The following MTHFD1L variants were observed in gnomAD, a reference collection of about 807,000 sequenced individuals.
MTHFD1L encodes methylenetetrahydrofolate dehydrogenase (NADP+ dependent) 1 like.
Under a neutral mutation model 119.5 loss-of-function variants are expected in MTHFD1L, and 81 were observed. That is an observed-to-expected ratio of 0.68 (90% CI 0.57 to 0.82). MTHFD1L has a LOEUF of 0.82. Ranked by LOEUF, MTHFD1L falls within the 40% of genes least tolerant of loss-of-function variation. The pLI, the probability that MTHFD1L is intolerant of heterozygous loss-of-function variation, is 0.00. For synonymous variants in MTHFD1L, 430 were observed against 475.2 expected, an observed-to-expected ratio of 0.90 and a Z score of 1.24; for missense variants, 1,125 against 1,253.4, an observed-to-expected ratio of 0.90 and a Z score of 1.55.
At chr6:150,923,703 T>C (rs976673180) in intron 10 of MTHFD1L, among the ~76,000 whole-genome samples, 8 of 151,802 alleles carry the variant, frequency 5.3e-5, no homozygotes, top group African/African-American at 1.2e-4. Context: ...AGTTGCTTTA[T>C]AGAATTGAAC....
rs143492706 is a variant in MTHFD1L, at chr6:150,960,327, C to T, written c.1856C>T (p.Thr619Met). 225 of 1,614,024 alleles carry T rather than the reference C, an allele frequency of 1.4e-4. No homozygotes were observed. In the East Asian group the frequency reaches 3.0e-3, roughly 21 times the overall value. Residue 619 changes from threonine to methionine, a missense_variant, in exon 18 of 28, where the codon ACG becomes ATG. By Grantham distance (81) the Thr-to-Met change is moderately conservative. Around this residue, in one of 3 missense-constraint regions of MTHFD1L, gnomAD observed 1,058 missense variants for 1,151.2 expected, o/e 0.92. Coordinates refer to ENST00000367321, the MANE Select transcript of MTHFD1L (RefSeq NM_015440.5). ...GAGATCATGGCGGTGCTGGCCCTGA[C>T]GGACAGCCTCGCAGACATGAAGGCA... is the stretch of plus-strand genomic sequence containing the variant. The part of the protein sequence containing the change: ...ASEIMAVLAL[T>M]DSLADMKARL...
chr6:151,090,171 G>A (rs1433360852), intron 26 of MTHFD1L, among the ~76,000 whole-genome samples: 2 of 152,232 alleles, frequency 1.3e-5, no homozygotes, highest in South Asian at 2.1e-4. Context: ...AGGCAGGGAA[G>A]GGGGTGTTAA....
rs1439366034 is a variant in MTHFD1L at position 150,944,474 on chromosome 6, T to G, written c.1441-12T>G. ...GAAAATAAATAAATAGAAAGATATC[T>G]TATTTCTCTAGTTCAACCTTCACTT... On this transcript the variant is annotated splice_polypyrimidine_tract_variant and intron_variant, in intron 13 of 27. Coordinates refer to ENST00000367321, the MANE Select transcript of MTHFD1L (RefSeq NM_015440.5). 6.3e-7 allele frequency: 1 copy of G among 1,589,872 alleles called. No individual in the cohort carries two copies. Among genetic ancestry groups the G allele is most frequent in the Non-Finnish European group, 8.6e-7 (1 of 1,160,270 alleles).
At chr6:151,003,164 G>T (rs1370332232) in intron 20 of MTHFD1L, among the ~76,000 whole-genome samples, 1 of 152,062 alleles carries the variant, frequency 6.6e-6, no homozygotes, top group African/African-American at 2.4e-5. Flanking sequence ...CTGGATCCAG[G>T]TAAATAAGCA....
intron 20 of MTHFD1L, among the ~76,000 whole-genome samples, chr6:150,984,646 A>G (rs1195048247): frequency 6.6e-6 from 1 of 152,046 alleles, no homozygotes; most frequent in African/African-American, 2.4e-5. Flanking sequence ...GTATATGATG[A>G]TGTTCACGTT....
chr6:150,991,379 A>C (rs1467187657), intron 20 of MTHFD1L, among the ~76,000 whole-genome samples: 3 of 152,220 alleles, frequency 2.0e-5, no homozygotes, highest in Non-Finnish European at 2.9e-5. Context: ...TCAGGTTGTA[A>C]AATAATATAT....
At chr6:150,866,668 G>T (rs1404949915) in intron 1 of MTHFD1L, 6 of 1,184,156 alleles carry the variant, frequency 5.1e-6, no homozygotes, top group Non-Finnish European at 6.3e-6. Flanking sequence ...GCCGCCGGGG[G>T]GAATCCGAGA....
At chr6:151,087,309 G>A (rs1260886190) in intron 26 of MTHFD1L, among the ~76,000 whole-genome samples, 1 of 151,734 alleles carries the variant, frequency 6.6e-6, no homozygotes, top group African/African-American at 2.4e-5. Context: ...AAATTGTGAT[G>A]TAGTTAACTG....
intron 1 of MTHFD1L, 86 bp from the exon 2 acceptor site, chr6:150,876,004 A>G (rs1355445093): frequency 8.5e-6 from 9 of 1,054,910 alleles, no homozygotes; most frequent in Non-Finnish European, 1.2e-5. Flanking sequence ...CACTTGGAGG[A>G]AGGAACTTTC....
Position 150,987,716 on chromosome 6 carries a change from A to ACCTCTGAATGT in MTHFD1L, c.2125+15658_2125+15659insCCTCTGAATGT, listed in dbSNP as rs1463081149. Among the ~76,000 whole-genome samples the ACCTCTGAATGT allele has an allele frequency of 1.5e-4, 23 of 152,334 alleles. No individual in the cohort carries two copies. The East Asian group carries it at 3.3e-3, about 22-fold the overall frequency. On this transcript the variant is annotated intron_variant, in intron 20 of 27. Coordinates refer to ENST00000367321, the MANE Select transcript of MTHFD1L (RefSeq NM_015440.5). Reference sequence around the variant, plus strand: ...ATGTTCACTTTCATTCCATAGCAGCATCATACAGCCCTGTGCATAACAGGA... The same window carrying ACCTCTGAATGT: ...ATGTTCACTTTCATTCCATAGCAGCACCTCTGAATGTTCATACAGCCCTGTGCATAACAGGA...
At chr6:150,922,121 C>T in intron 9 of MTHFD1L, 84 bp from the exon 10 acceptor site, 1 of 982,982 alleles carries the variant, frequency 1.0e-6, no homozygotes, top group East Asian at 2.4e-5. Context: ...TTGTAACATC[C>T]ACAAACAATA....
In MTHFD1L at chr6:150,941,463, G is replaced by A. The variant is rs1313196084; in HGVS notation, c.1440+2718G>A. On this transcript the variant is annotated intron_variant, in intron 13 of 27. Transcript: ENST00000367321. Reference sequence around the variant, plus strand: ...ATTAAAATCACCCTGTCTTCTGTGTGATGAAAGGACCAGGGGCCTCTCAGT... The same window carrying A: ...ATTAAAATCACCCTGTCTTCTGTGTAATGAAAGGACCAGGGGCCTCTCAGT... 5.9e-5 allele frequency among the ~76,000 whole-genome samples: 9 copies of A among 152,208 alleles called. No individual in the cohort carries two copies. In the East Asian group the frequency reaches 1.7e-3, roughly 29 times the overall value.
rs767024427 is a variant in MTHFD1L, at chr6:151,020,553, G to A, written c.2586+4860G>A. On this transcript the variant is annotated intron_variant, in intron 24 of 27. Coordinates refer to ENST00000367321, the MANE Select transcript of MTHFD1L (RefSeq NM_015440.5). ...GTAGGCAACTTTTAATTATGGTACC[G>A]GATGGAGGCAGCAATGAATAATTTA... Among the ~76,000 whole-genome samples the A allele has an allele frequency of 5.9e-5, 9 of 152,144 alleles. No homozygotes were observed. The South Asian group carries it at 1.2e-3, about 21-fold the overall frequency.
rs558786106 is a variant in MTHFD1L, at chr6:151,008,118, A to T, written c.2126-1701A>T. Among the ~76,000 whole-genome samples the T allele has an allele frequency of 4.6e-5, 7 of 152,346 alleles. No homozygotes were observed. The East Asian group carries it at 1.4e-3, about 29-fold the overall frequency. On this transcript the variant is annotated intron_variant, in intron 20 of 27. Transcript: ENST00000367321. Reference sequence around the variant, plus strand: ...AAAGCACATAGGCACAAATATTTTCAGTGCAGTATTGTTTATATTGGAAAC... The same window carrying T: ...AAAGCACATAGGCACAAATATTTTCTGTGCAGTATTGTTTATATTGGAAAC...
rs1031760416 is a variant in MTHFD1L at position 150,974,718 on chromosome 6, C to T, written c.2125+2660C>T. Reference sequence around the variant, plus strand: ...CCATGTTGCAGCAGGCGTCAGAATTCTCTTCCTTTTTTTTTTTTTTTTTTT... The same window carrying T: ...CCATGTTGCAGCAGGCGTCAGAATTTTCTTCCTTTTTTTTTTTTTTTTTTT... On this transcript the variant is annotated intron_variant, in intron 20 of 27. Coordinates refer to ENST00000367321, the MANE Select transcript of MTHFD1L (RefSeq NM_015440.5). 4.3e-3 allele frequency among the ~76,000 whole-genome samples: 563 copies of T among 132,104 alleles called. 4 individuals are homozygous for T. Among genetic ancestry groups the T allele is most frequent in the African/African-American group, 0.017 (544 of 32,024 alleles). 86.7% of individuals were successfully genotyped at this position (132,104 alleles called of 152,430 possible).
intron 20 of MTHFD1L, among the ~76,000 whole-genome samples, chr6:150,986,732 TCTCA>T (rs374201967): frequency 1.1e-3 from 166 of 152,230 alleles, no homozygotes; most frequent in African/African-American, 2.5e-3. Context: ...GGAGATCAAG[TCTCA>T]CTCTGTCGCC....
chr6:150,999,948 C>G (rs1212405614), intron 20 of MTHFD1L, among the ~76,000 whole-genome samples: 1 of 152,170 alleles, frequency 6.6e-6, no homozygotes, highest in Non-Finnish European at 1.5e-5. Context: ...CAGTAACTTC[C>G]TCATGTTCTG....
intron 24 of MTHFD1L, chr6:151,022,150 CA>C (rs1464712285): frequency 6.8e-5 from 30 of 439,612 alleles, no homozygotes; most frequent in South Asian, 3.6e-4. Context: ...CCCAGATGGC[CA>C]GGGGTGTTTC....
intron 20 of MTHFD1L, among the ~76,000 whole-genome samples, chr6:150,996,999 C>T (rs1178636671): frequency 6.6e-5 from 10 of 152,176 alleles, no homozygotes; most frequent in East Asian, 1.9e-4. Context: ...ATCCCAGACT[C>T]ACTACCTCAG....
Sources: allele counts gnomAD v4.1 joint callset (sites outside exome capture counted in the v4.1 genomes callset), GRCh38; gene constraint gnomAD v4.1.1; regional missense constraint gnomAD v4.1.1; transcripts MANE v1.5; gene names NCBI Gene and HGNC (gene_info 2026-07-23, HGNC 2026-07-21).